UNC13C: variants seen among roughly 807,000 people sequenced by gnomAD.
UNC13C encodes protein unc-13 homolog C.
In UNC13C, 174 loss-of-function variants were observed where a neutral mutation model predicts 245.4. That is an observed-to-expected ratio of 0.71 (90% CI 0.63 to 0.80). UNC13C has a LOEUF of 0.80. Among genes scored for constraint, UNC13C ranks in the 30% least tolerant of loss-of-function variants. UNC13C has a pLI of 0.00. For missense variants in UNC13C, 2,829 were observed against 2,602.9 expected, an observed-to-expected ratio of 1.09 and a Z score of -1.89; for synonymous variants, 992 against 895.1, an observed-to-expected ratio of 1.11 and a Z score of -1.93.
intron 10 of UNC13C, among the ~76,000 whole-genome samples, chr15:54,274,428 ACAACTAATCATTGTCAT>A (rs1395138152): frequency 6.6e-6 from 1 of 152,132 alleles, no homozygotes. Context: ...ATAATACTTC[ACAACTAATCATTGTCAT>A]TATGATTGTT....
chr15:53,937,857 C>T, the UNC13C span, among the ~76,000 whole-genome samples: 1 of 152,134 alleles, frequency 6.6e-6, no homozygotes, highest in African/African-American at 2.4e-5. Context: ...ACCACTGGGC[C>T]TGCCTTGTGA....
intron 26 of UNC13C, among the ~76,000 whole-genome samples, chr15:54,534,124 ACCAGCCATTGCC>A (rs1895885718): frequency 6.6e-6 from 1 of 152,216 alleles, no homozygotes; most frequent in Non-Finnish European, 1.5e-5. Context: ...CATCGCTGCC[ACCAGCCATTGCC>A]CCAGCAAAGT....
At chr15:54,605,275 C>G (rs891433153) in intron 30 of UNC13C, among the ~76,000 whole-genome samples, 1 of 152,128 alleles carries the variant, frequency 6.6e-6, no homozygotes, top group African/African-American at 2.4e-5. Context: ...GCCACAGTGC[C>G]ATGTAGAATC....
At chr15:54,178,158 A>G (rs1366162572) in intron 4 of UNC13C, among the ~76,000 whole-genome samples, 1 of 152,132 alleles carries the variant, frequency 6.6e-6, no homozygotes, top group Non-Finnish European at 1.5e-5. Flanking sequence ...ATGGTTTTCA[A>G]TCTATACAAT....
rs534925074 is a variant in UNC13C, at chr15:54,064,450, C to T, written c.2983+48564C>T. 5.3e-4 allele frequency among the ~76,000 whole-genome samples: 80 copies of T among 152,264 alleles called. 2 individuals are homozygous for T. In the South Asian group the frequency reaches 0.016, roughly 31 times the overall value. On this transcript the variant is annotated intron_variant, in intron 2 of 32. Transcript: ENST00000260323. ...TGATGCCTCAGATTTCCACTGTGCT[C>T]CTTAGGATCAGCAGAGAATAAATTT... is the stretch of plus-strand genomic sequence containing the variant.
chr15:54,022,304 G>A (rs1217895994), intron 2 of UNC13C, among the ~76,000 whole-genome samples: 1 of 151,832 alleles, frequency 6.6e-6, no homozygotes, highest in Non-Finnish European at 1.5e-5. Flanking sequence ...TCACACTGTG[G>A]TTTTTTGGCT....
the UNC13C span, among the ~76,000 whole-genome samples, chr15:53,952,619 T>A: frequency 2.0e-5 from 3 of 152,176 alleles, no homozygotes; most frequent in Admixed American, 6.5e-5. Flanking sequence ...TTTAATTGCG[T>A]GGGCTGTGAT....
At chr15:54,130,280 A>T (rs1008278023) in intron 2 of UNC13C, among the ~76,000 whole-genome samples, 9 of 130,640 alleles carry the variant, frequency 6.9e-5, no homozygotes, top group Non-Finnish European at 1.4e-4. Context: ...GGCCAGGTAG[A>T]TAATTAATTT....
chr15:54,210,931 T>A (rs892378316), intron 4 of UNC13C, among the ~76,000 whole-genome samples: 1 of 152,134 alleles, frequency 6.6e-6, no homozygotes, highest in African/African-American at 2.4e-5. Flanking sequence ...TTATATTTAT[T>A]ACACTGATCA....
intron 2 of UNC13C, among the ~76,000 whole-genome samples, chr15:54,087,804 AAC>A (rs1899327846): frequency 2.0e-5 from 3 of 152,172 alleles, no homozygotes; most frequent in African/African-American, 7.2e-5. Context: ...GCTCATTTTC[AAC>A]AGTTACCAAA....
At chr15:54,367,851 A>G (rs1285174237) in intron 17 of UNC13C, among the ~76,000 whole-genome samples, 1 of 152,168 alleles carries the variant, frequency 6.6e-6, no homozygotes, top group Non-Finnish European at 1.5e-5. Flanking sequence ...TGAGCACTTG[A>G]ATTGTACCTA....
chr15:54,337,657 A>C (rs1170048582), intron 16 of UNC13C, among the ~76,000 whole-genome samples: 1 of 152,202 alleles, frequency 6.6e-6, no homozygotes, highest in Non-Finnish European at 1.5e-5. Flanking sequence ...TCTCTAGACT[A>C]AATTGTAACG....
intron 2 of UNC13C, among the ~76,000 whole-genome samples, chr15:54,137,890 A>G (rs2031816700): frequency 6.6e-6 from 1 of 151,760 alleles, no homozygotes; most frequent in Admixed American, 6.6e-5. Context: ...TTGGTTTTGT[A>G]TCTAGTTCTT....
At chr15:54,412,984 A>G (rs1348298061) in intron 18 of UNC13C, among the ~76,000 whole-genome samples, 2 of 152,150 alleles carry the variant, frequency 1.3e-5, no homozygotes, top group Non-Finnish European at 2.9e-5. Context: ...ATCATGAATG[A>G]ATGTTGAAGT....
intron 2 of UNC13C, among the ~76,000 whole-genome samples, chr15:54,073,479 C>G (rs576405771): frequency 1.3e-5 from 2 of 152,246 alleles, no homozygotes; most frequent in East Asian, 3.9e-4. Context: ...AATGGTTAAA[C>G]TAATTTACAC....
At chr15:54,403,907 C>T (rs1208964633) in intron 18 of UNC13C, among the ~76,000 whole-genome samples, 3 of 151,882 alleles carry the variant, frequency 2.0e-5, no homozygotes, top group Non-Finnish European at 2.9e-5. Flanking sequence ...TACAAGAGAA[C>T]CTAAGTACAA....
the UNC13C span, among the ~76,000 whole-genome samples, chr15:53,918,265 G>A: frequency 4.7e-5 from 7 of 150,460 alleles, no homozygotes; most frequent in Non-Finnish European, 1.0e-4. Flanking sequence ...GCTCTCACAG[G>A]CTAAGCTGCA....
chr15:54,255,186 A>G (rs2036248675), intron 8 of UNC13C, among the ~76,000 whole-genome samples: 1 of 152,158 alleles, frequency 6.6e-6, no homozygotes, highest in Non-Finnish European at 1.5e-5. Flanking sequence ...GGCCTGTGTT[A>G]GTCAACTCAA....
At chr15:54,162,781 A>G (rs894418679) in intron 4 of UNC13C, among the ~76,000 whole-genome samples, 1 of 152,146 alleles carries the variant, frequency 6.6e-6, no homozygotes, top group Non-Finnish European at 1.5e-5. Flanking sequence ...ACAGAAATGT[A>G]TTTTTTTAAA....
Sources: gnomAD v4.1 joint callset for allele counts (sites outside exome capture counted in the v4.1 genomes callset) on GRCh38, gnomAD v4.1.1 for gene constraint, MANE v1.5 for transcripts, NCBI Gene and HGNC (gene_info 2026-07-23, HGNC 2026-07-21) for gene names.